HNF4G: variants seen among roughly 807,000 people sequenced by gnomAD.
HNF4G encodes hepatocyte nuclear factor 4-gamma.
HNF4G carries 21 observed loss-of-function variants against 50.9 expected under a neutral mutation model. The ratio of observed to expected loss-of-function variants is 0.41; its 90% confidence interval spans 0.29 to 0.59. HNF4G has a LOEUF of 0.59. Ranked by LOEUF, HNF4G falls within the 20% of genes least tolerant of loss-of-function variation. The probability of loss-of-function intolerance (pLI) is 0.26; values close to 1 mark genes in which losing one functional copy is unlikely to be tolerated. For missense variants in HNF4G, 527 were observed against 559.4 expected (o/e 0.94, Z 0.58); for synonymous variants, 198 against 185.6 (o/e 1.07, Z -0.54).
intron 2 of HNF4G, among the ~76,000 whole-genome samples, chr8:75,519,003 C>A (rs1220348734): frequency 6.6e-6 from 1 of 152,146 alleles, no homozygotes; most frequent in African/African-American, 2.4e-5. Flanking sequence ...CAAACCATAT[C>A]TTTTTGAATA....
intron 1 of HNF4G, among the ~76,000 whole-genome samples, chr8:75,460,852 T>C (rs796525766): frequency 8.5e-5 from 13 of 152,330 alleles, no homozygotes; most frequent in African/African-American, 3.1e-4. Flanking sequence ...GAAGAATTGC[T>C]GGCTAGCTAA....
chr8:75,526,705 A>AATT lies in HNF4G; in HGVS notation c.-23-17106_-23-17105insATT, dbSNP rs1473808721. On this transcript the variant is annotated intron_variant, in intron 2 of 10. Transcript: ENST00000354370. ...ATGCCACCACACAAGACTAATTAAA[A>AATT]TTTTTTTTTTTTTTTTAGTAGAGAC... is the stretch of plus-strand genomic sequence containing the variant. Among the ~76,000 whole-genome samples, 536 of 140,638 alleles carry AATT rather than the reference A, an allele frequency of 3.8e-3. 2 individuals are homozygous for AATT. Among genetic ancestry groups the AATT allele is most frequent in the African/African-American group, 0.013 (517 of 38,464 alleles). The allele number at this position is 140,638 out of a possible 152,430, so 92.3% of individuals were successfully genotyped here.
chr8:75,508,967 G>A, intron 2 of HNF4G, among the ~76,000 whole-genome samples: 1 of 152,168 alleles, frequency 6.6e-6, no homozygotes, highest in Non-Finnish European at 1.5e-5. Flanking sequence ...TTATAAGAAA[G>A]ACGAACTGGA....
Position 75,558,951 on chromosome 8 carries a change from C to G in HNF4G, c.1037C>G (p.Thr346Arg). The change falls in exon 8 of 10, where the codon ACG becomes AGG. Residue 346 changes from threonine to arginine, a missense_variant. By Grantham distance (71) the Thr-to-Arg change is moderately conservative. Around this residue, in one of 5 missense-constraint regions of HNF4G, gnomAD observed 308 missense variants for 301.5 expected, o/e 1.02. Transcript: ENST00000396423. ...CTCCTGCCCACACTGCAGAGCATCA[C>G]GTGGCAAATGATTGAGCAAATACAG... ...LLLLPTLQSI[T>R]WQMIEQIQFV... 1 of 1,613,956 alleles carries G rather than the reference C, an allele frequency of 6.2e-7. No individual in the cohort carries two copies.
chr8:75,540,008 T>A lies in HNF4G; in HGVS notation c.46T>A (p.Tyr16Asn). ...AATACTGGACATGGACATGGCAAATTACAGTGAAGTTTTGGACCCAACTTA... is the reference window on the plus strand; with the variant it reads ...AATACTGGACATGGACATGGCAAATAACAGTGAAGTTTTGGACCCAACTTA... ...EPILDMDMAN[Y>N]SEVLDPTYTT... is the part of the protein sequence containing the mutation. The change falls in exon 1 of 10, where the codon TAC becomes AAC. Residue 16 changes from tyrosine (Y) to asparagine (N), a missense_variant. Around this residue, in one of 5 missense-constraint regions of HNF4G, gnomAD observed 84 missense variants for 87.1 expected, o/e 0.96. Transcript: ENST00000396423. 2 of 1,607,060 alleles carry A rather than the reference T, an allele frequency of 1.2e-6. No individual in the cohort carries two copies. Among genetic ancestry groups the A allele is most frequent in the Middle Eastern group, 3.3e-4 (2 of 6,056 alleles).
rs547933430 is a variant in HNF4G at position 75,534,511 on chromosome 8, C to T, written c.-23-9300C>T. Among the ~76,000 whole-genome samples, 146 of 151,868 alleles carry T rather than the reference C, an allele frequency of 9.6e-4. 1 individual carries two copies. Among genetic ancestry groups the T allele is most frequent in the African/African-American group, 2.5e-3 (105 of 41,514 alleles). On this transcript the variant is annotated intron_variant, in intron 2 of 10. Transcript: ENST00000354370. ...ATCCTAACAGTAACTGATTTAATAA[C>T]GATAGTTTTTACTCTTCCTTAGTTT...
chr8:75,563,020 C>T (rs1291958121), intron 9 of HNF4G, among the ~76,000 whole-genome samples: 1 of 152,048 alleles, frequency 6.6e-6, no homozygotes, highest in African/African-American at 2.4e-5. Context: ...TAATATAAAG[C>T]TAATGTATTA....
chr8:75,522,729 C>T (rs528044824), intron 2 of HNF4G, among the ~76,000 whole-genome samples: 1 of 152,212 alleles, frequency 6.6e-6, no homozygotes, highest in South Asian at 2.1e-4. Flanking sequence ...AAATCATCTG[C>T]CATTGGAAAC....
chr8:75,535,719 G>T (rs1806446915), upstream of HNF4G, among the ~76,000 whole-genome samples: 1 of 151,754 alleles, frequency 6.6e-6, no homozygotes, highest in African/African-American at 2.4e-5. Flanking sequence ...TTATTTTCAT[G>T]AAAATTATTT....
intron 1 of HNF4G, among the ~76,000 whole-genome samples, chr8:75,416,018 A>G (rs1439104655): frequency 6.6e-6 from 1 of 152,172 alleles, no homozygotes; most frequent in Non-Finnish European, 1.5e-5. Context: ...ATCTCAGAAG[A>G]TATTTTAGAT....
At chr8:75,420,686 T>C (rs1297358465) in intron 1 of HNF4G, among the ~76,000 whole-genome samples, 1 of 152,214 alleles carries the variant, frequency 6.6e-6, no homozygotes, top group African/African-American at 2.4e-5. Flanking sequence ...TTTGTACAGG[T>C]GTCTTTTTTC....
chr8:75,475,019 T>A (rs944912538), intron 1 of HNF4G, among the ~76,000 whole-genome samples: 2 of 144,820 alleles, frequency 1.4e-5, no homozygotes, highest in Non-Finnish European at 3.0e-5. Context: ...TTAATTAATT[T>A]ATTTTTTGAG....
At chr8:75,518,622 G>C (rs1404783143) in intron 2 of HNF4G, among the ~76,000 whole-genome samples, 2 of 152,134 alleles carry the variant, frequency 1.3e-5, no homozygotes, top group Non-Finnish European at 2.9e-5. Context: ...TTTGGGACTT[G>C]CACACTCTGA....
chr8:75,488,635 A>G lies in HNF4G; in HGVS notation c.-143-1454A>G, dbSNP rs367675977. 1.8e-4 allele frequency among the ~76,000 whole-genome samples: 28 copies of G among 152,238 alleles called. 1 individual carries two copies. Among genetic ancestry groups the G allele is most frequent in the East Asian group, 1.5e-3 (8 of 5,180 alleles). On this transcript the variant is annotated intron_variant, in intron 1 of 10. Transcript: ENST00000354370. Reference sequence around the variant, plus strand: ...AATACAATCTTTCTTAGGACTTTAAAGCATTAGAGACTTTAGGGATTAATA... The same window carrying G: ...AATACAATCTTTCTTAGGACTTTAAGGCATTAGAGACTTTAGGGATTAATA...
intron 2 of HNF4G, among the ~76,000 whole-genome samples, chr8:75,545,875 A>C (rs1323360773): frequency 6.6e-6 from 1 of 152,024 alleles, no homozygotes; most frequent in Non-Finnish European, 1.5e-5. Flanking sequence ...TATTAATTTA[A>C]TGTTAATTGA....
chr8:75,512,058 T>C (rs879286328), intron 2 of HNF4G, among the ~76,000 whole-genome samples: 2 of 152,166 alleles, frequency 1.3e-5, no homozygotes, highest in Admixed American at 1.3e-4. Flanking sequence ...TCTAGGAAAT[T>C]CGTGGAATGA....
chr8:75,477,097 A>G (rs1812258901), intron 1 of HNF4G, among the ~76,000 whole-genome samples: 1 of 152,188 alleles, frequency 6.6e-6, no homozygotes, highest in Non-Finnish European at 1.5e-5. Flanking sequence ...GTCAATTTTA[A>G]TTGATAACAC....
chr8:75,436,175 A>G (rs878977882), intron 1 of HNF4G, among the ~76,000 whole-genome samples: 2 of 152,222 alleles, frequency 1.3e-5, no homozygotes, highest in Admixed American at 1.3e-4. Flanking sequence ...ATTAAAAAAT[A>G]TATTGTAAAT....
chr8:75,518,519 G>C (rs141332276), intron 2 of HNF4G, among the ~76,000 whole-genome samples: 2,050 of 152,200 alleles, frequency 0.013, 47 homozygotes, highest in African/African-American at 0.043. Context: ...CTGCTATAAA[G>C]ACACATGCAC....
Sources: gnomAD v4.1 joint callset for allele counts (sites outside exome capture counted in the v4.1 genomes callset) on GRCh38, gnomAD v4.1.1 for gene constraint, gnomAD v4.1.1 regional missense constraint, MANE v1.5 for transcripts, NCBI Gene and HGNC (gene_info 2026-07-23, HGNC 2026-07-21) for gene names.